Variants in MTMR8 observed in about 807,000 individuals in gnomAD.
MTMR8 encodes phosphatidylinositol-3,5-bisphosphate 3-phosphatase MTMR8.
MTMR8 carries 65 observed loss-of-function variants against 39.3 expected under a neutral mutation model. That is an observed-to-expected ratio of 1.65 (90% CI 1.35 to 2.03). The LOEUF is 2.03. MTMR8 is among the 30% of genes most tolerant of loss of function. The probability of loss-of-function intolerance (pLI) is 0.00; values close to 1 mark genes in which losing one functional copy is unlikely to be tolerated. For missense variants in MTMR8, 777 were observed against 538.9 expected (o/e 1.44, Z -4.37); for synonymous variants, 245 against 185.2 (o/e 1.32, Z -2.62).
chrX:64,356,500 A>G (rs981851451), intron 2 of MTMR8, among the ~76,000 whole-genome samples, 162 bp from the exon 3 acceptor site: 1 of 111,306 alleles, frequency 9.0e-6, no homozygotes, highest in Non-Finnish European at 1.9e-5. Context: ...GTTCTCTCAA[A>G]TAGAACTAAA....
At chrX:64,291,404 A>G (rs1485143842) in intron 12 of MTMR8, among the ~76,000 whole-genome samples, 2 of 110,533 alleles carry the variant, frequency 1.8e-5, no homozygotes, top group African/African-American at 6.6e-5. Flanking sequence ...AGTCATCTAA[A>G]CACGTAAGCC....
chrX:64,321,487 G>T (rs867249066), intron 12 of MTMR8, among the ~76,000 whole-genome samples: 2 of 111,944 alleles, frequency 1.8e-5, no homozygotes, highest in Non-Finnish European at 3.8e-5. Flanking sequence ...GCAGGTAAAA[G>T]AATGAATTAA....
intron 12 of MTMR8, among the ~76,000 whole-genome samples, chrX:64,308,043 G>A (rs946060072): frequency 9.0e-6 from 1 of 111,361 alleles, no homozygotes; most frequent in African/African-American, 3.3e-5. Context: ...TCCTATGATT[G>A]CGTTGAAGTC....
intron 8 of MTMR8, among the ~76,000 whole-genome samples, chrX:64,338,129 C>T (rs1923123428): frequency 8.9e-6 from 1 of 111,839 alleles, no homozygotes; most frequent in Non-Finnish European, 1.9e-5. Flanking sequence ...TATTCTTTTG[C>T]AGGAGCCAGG....
intron 11 of MTMR8, among the ~76,000 whole-genome samples, chrX:64,330,388 C>A (rs918122452): frequency 9.0e-6 from 1 of 111,428 alleles, no homozygotes; most frequent in Admixed American, 9.6e-5. Context: ...AACAGAAAGA[C>A]TCATTATTGT....
chrX:64,359,154 T>TA (rs1330717776), intron 2 of MTMR8, among the ~76,000 whole-genome samples: 1 of 111,075 alleles, frequency 9.0e-6, no homozygotes, highest in East Asian at 2.8e-4. Flanking sequence ...CTATTCTACC[T>TA]AAAAATAATT....
At chrX:64,361,047 G>T in intron 1 of MTMR8, among the ~76,000 whole-genome samples, 1 of 110,664 alleles carries the variant, frequency 9.0e-6, no homozygotes, top group Non-Finnish European at 1.9e-5. Context: ...CTAAAAAAGA[G>T]AAAAGATGCA....
At chrX:64,313,712 G>C (rs1482462412) in intron 12 of MTMR8, among the ~76,000 whole-genome samples, 1 of 112,424 alleles carries the variant, frequency 8.9e-6, no homozygotes, top group Non-Finnish European at 1.9e-5. Context: ...CAATATTGTT[G>C]TGTCTTGAAT....
intron 12 of MTMR8, among the ~76,000 whole-genome samples, chrX:64,313,112 G>A (rs746579309): frequency 1.8e-5 from 2 of 112,318 alleles, no homozygotes; most frequent in East Asian, 5.6e-4. Context: ...CTGTCCTTTG[G>A]AAATTTGAAG....
chrX:64,329,869 T>C lies in MTMR8; in HGVS notation c.1353-969A>G, dbSNP rs186997881. Among the ~76,000 whole-genome samples the C allele has an allele frequency of 3.6e-5, 4 of 112,022 alleles. No homozygotes were observed. The East Asian group carries it at 1.1e-3, about 31-fold the overall frequency. On this transcript the variant is annotated intron_variant, in intron 11 of 13. Coordinates refer to ENST00000374852, the MANE Select transcript of MTMR8 (RefSeq NM_017677.4). ...TAATTTGTTGAGTATTTACTATGTGTTCAAACACTATTCCAGACTCTTTAC... is the reference window on the plus strand; with the variant it reads ...TAATTTGTTGAGTATTTACTATGTGCTCAAACACTATTCCAGACTCTTTAC...
In MTMR8 at chrX:64,328,863, C is replaced by A. The variant is rs1229224400; in HGVS notation, c.1390G>T (p.Val464Phe). 3 of 1,196,325 alleles carry A rather than the reference C, an allele frequency of 2.5e-6. No homozygotes were observed. The African/African-American group carries it at 5.3e-5, about 21-fold the overall frequency. ...TTCCTGAAGTCTGGTTTCCTCTGAA[C>A]CAAGAAAGGCCACACAGAATGTGTT... ...EKTHSVWPFL[V>F]QRKPDFRNPL... The change falls in exon 12 of 14, where the codon GTT becomes TTT. Residue 464 changes from valine to phenylalanine, a missense_variant. Physicochemically the swap from Val to Phe is conservative, Grantham distance 50. Coordinates refer to ENST00000374852, the MANE Select transcript of MTMR8 (RefSeq NM_017677.4).
intron 1 of MTMR8, among the ~76,000 whole-genome samples, chrX:64,386,248 T>A (rs928093828): frequency 8.9e-6 from 1 of 112,089 alleles, no homozygotes; most frequent in East Asian, 2.8e-4. Flanking sequence ...CCCCAATTCA[T>A]GAATTAGATC....
chrX:64,292,867 G>C, intron 12 of MTMR8, among the ~76,000 whole-genome samples: 1 of 111,340 alleles, frequency 9.0e-6, no homozygotes, highest in Admixed American at 9.6e-5. Context: ...AAAGTATCCC[G>C]CATAATAAGC....
At chrX:64,373,630 C>T (rs764226599) in intron 1 of MTMR8, among the ~76,000 whole-genome samples, 2 of 111,251 alleles carry the variant, frequency 1.8e-5, no homozygotes, top group Admixed American at 9.6e-5. Flanking sequence ...ACTATACTGC[C>T]ACAGACTTAT....
chrX:64,301,642 G>A (rs1196971991), intron 12 of MTMR8, among the ~76,000 whole-genome samples: 3 of 111,906 alleles, frequency 2.7e-5, no homozygotes, highest in Non-Finnish European at 5.6e-5. Context: ...CTTTGGAGGA[G>A]GAGAGGTGCT....
chrX:64,302,554 C>T (rs1468551704), intron 12 of MTMR8, among the ~76,000 whole-genome samples: 2 of 112,274 alleles, frequency 1.8e-5, no homozygotes, highest in African/African-American at 6.5e-5. Context: ...GAGCTGTAGA[C>T]CGGAGCTGTT....
chrX:64,380,574 G>A (rs1186754090), intron 1 of MTMR8, among the ~76,000 whole-genome samples: 2 of 112,259 alleles, frequency 1.8e-5, no homozygotes, highest in Admixed American at 1.9e-4. Flanking sequence ...TAAGGACATG[G>A]AAAAATCCAT....
rs747123841 is a variant in MTMR8 at position 64,268,679 on chromosome X, A to G, written c.1973T>C (p.Met658Thr). 9.9e-6 allele frequency: 12 copies of G among 1,211,577 alleles called. No individual in the cohort carries two copies. The highest frequency in any genetic ancestry group is 2.3e-4 in the Middle Eastern group (1 of 4,355). The change falls in exon 14 of 14, where the codon ATG becomes ACG. Residue 658 changes from methionine (M) to threonine (T), a missense_variant. By Grantham distance (81) the Met-to-Thr change is moderately conservative. Transcript: ENST00000374852. ...GATGCCAGTGGCCTCAGAGATGTCCATGGCCCCACAGATTCCTAAGTCTTT... is the reference window on the plus strand; with the variant it reads ...GATGCCAGTGGCCTCAGAGATGTCCGTGGCCCCACAGATTCCTAAGTCTTT... ...FSKDLGICGA[M>T]DISEATGISG...
intron 12 of MTMR8, among the ~76,000 whole-genome samples, chrX:64,271,580 T>C (rs1931761645): frequency 8.9e-6 from 1 of 111,856 alleles, no homozygotes. Flanking sequence ...AGCAGAAACA[T>C]CCACTCATCA....
Sources: gnomAD v4.1 joint callset for allele counts (sites outside exome capture counted in the v4.1 genomes callset) on GRCh38, gnomAD v4.1.1 for gene constraint, MANE v1.5 for transcripts, NCBI Gene and HGNC (gene_info 2026-07-23, HGNC 2026-07-21) for gene names.